The following COL8A1 variants were observed in gnomAD, a reference collection of about 807,000 sequenced individuals.
The protein encoded by COL8A1 is collagen alpha-1(VIII) chain.
Under a neutral mutation model 42.7 loss-of-function variants are expected in COL8A1, and 21 were observed. The observed-to-expected ratio is 0.49, with a 90% CI of 0.35 to 0.71. The LOEUF is 0.71. COL8A1 is among the 30% of genes least tolerant of loss of function. COL8A1 has a pLI of 0.01. For missense variants in COL8A1, 788 were observed against 962.4 expected (o/e 0.82, Z 2.40); for synonymous variants, 367 against 369.1 (o/e 0.99, Z 0.06).
intron 1 of COL8A1, among the ~76,000 whole-genome samples, chr3:99,736,802 T>G (rs1453815838): frequency 6.6e-6 from 1 of 151,242 alleles, no homozygotes; most frequent in Non-Finnish European, 1.5e-5. Context: ...ACTTTCTGTC[T>G]CGTTGATCTG....
chr3:99,685,868 G>A (rs996641879), intron 1 of COL8A1, among the ~76,000 whole-genome samples: 4 of 152,082 alleles, frequency 2.6e-5, no homozygotes, highest in African/African-American at 9.7e-5. Context: ...CCCATGTGAG[G>A]CACATAGCAA....
Position 99,794,192 on chromosome 3 carries a change from TC to T in COL8A1, c.329-32del, listed in dbSNP as rs745858657. ...CAATCTACTAATCAATCTCTCTCTC[TC>T]CCCCCATACCCCTTCTCTCTCTTCT... On this transcript the variant is annotated intron_variant, in intron 3 of 3. Transcript: ENST00000652472. The surrounding 1 kb of genome is among the most constrained non-coding windows in gnomAD (Gnocchi z 4.3). 5 of 1,346,350 alleles carry T rather than the reference TC, an allele frequency of 3.7e-6. No individual in the cohort carries two copies. In the East Asian group the frequency reaches 9.3e-5, roughly 25 times the overall value. 83.4% of individuals were successfully genotyped at this position (1,346,350 alleles called of 1,614,324 possible).
chr3:99,736,626 T>C (rs1940726878), intron 1 of COL8A1, among the ~76,000 whole-genome samples: 2 of 152,122 alleles, frequency 1.3e-5, no homozygotes, highest in African/African-American at 4.8e-5. Context: ...TTCTTTTACA[T>C]TTGCTGAGGA....
intron 1 of COL8A1, among the ~76,000 whole-genome samples, chr3:99,649,814 C>T (rs986209963): frequency 3.3e-5 from 5 of 152,058 alleles, no homozygotes; most frequent in African/African-American, 9.7e-5. Context: ...CATACACATA[C>T]ACAGTGTTAC....
At chr3:99,659,079 C>T (rs1326029234) in intron 1 of COL8A1, among the ~76,000 whole-genome samples, 1 of 152,172 alleles carries the variant, frequency 6.6e-6, no homozygotes, top group Non-Finnish European at 1.5e-5. Flanking sequence ...AGCTAGTTGA[C>T]TAGGAAGAAC....
chr3:99,716,957 A>G (rs990129873), intron 1 of COL8A1, among the ~76,000 whole-genome samples: 1 of 151,932 alleles, frequency 6.6e-6, no homozygotes, highest in East Asian at 1.9e-4. Flanking sequence ...ATTCACTTTG[A>G]ATTTTCCCAG....
At chr3:99,713,543 C>T (rs1939905748) in intron 1 of COL8A1, among the ~76,000 whole-genome samples, 1 of 152,080 alleles carries the variant, frequency 6.6e-6, no homozygotes, top group Non-Finnish European at 1.5e-5. Flanking sequence ...CAAACTCTTA[C>T]AGCAAGGTTA....
intron 3 of COL8A1, among the ~76,000 whole-genome samples, chr3:99,793,589 T>C (rs1414676132): frequency 6.6e-6 from 1 of 152,172 alleles, no homozygotes; most frequent in Non-Finnish European, 1.5e-5. Context: ...AAACACACCA[T>C]AATATCTCCA....
At chr3:99,723,695 A>C (rs573958981) in intron 1 of COL8A1, among the ~76,000 whole-genome samples, 48 of 152,172 alleles carry the variant, frequency 3.2e-4, no homozygotes, top group Non-Finnish European at 6.5e-4. Context: ...AAAAACCTAA[A>C]CCTAAGTAGC....
At chr3:99,784,549 C>T (rs1006808069) in intron 2 of COL8A1, among the ~76,000 whole-genome samples, 16 of 152,194 alleles carry the variant, frequency 1.1e-4, no homozygotes, top group African/African-American at 3.9e-4. Context: ...TCCTAAGCTA[C>T]AAACTTATAC....
chr3:99,746,524 T>TA (rs538575055), intron 2 of COL8A1, among the ~76,000 whole-genome samples: 1 of 151,956 alleles, frequency 6.6e-6, no homozygotes, highest in African/African-American at 2.4e-5. Flanking sequence ...GCTCTCCCAG[T>TA]AAAAAAAGTA....
intron 2 of COL8A1, among the ~76,000 whole-genome samples, chr3:99,773,843 T>A (rs1312670768): frequency 3.4e-4 from 33 of 96,302 alleles, no homozygotes; most frequent in African/African-American, 8.5e-4. Flanking sequence ...ATATATTTTT[T>A]TTTTTTTTTT....
chr3:99,719,623 G>A (rs1237897201), intron 1 of COL8A1, among the ~76,000 whole-genome samples: 1 of 152,142 alleles, frequency 6.6e-6, no homozygotes, highest in Non-Finnish European at 1.5e-5. Context: ...TGGAGGAAAT[G>A]ACATCCAGGC....
At chr3:99,680,384 C>G (rs926268728) in intron 1 of COL8A1, 4 of 152,166 alleles carry the variant, frequency 2.6e-5, no homozygotes, top group Non-Finnish European at 4.4e-5. Flanking sequence ...TTTTCTTAAT[C>G]CAGTCTACCA....
intron 1 of COL8A1, among the ~76,000 whole-genome samples, chr3:99,665,034 C>T (rs1938320515): frequency 6.6e-6 from 1 of 152,216 alleles, no homozygotes; most frequent in Non-Finnish European, 1.5e-5. Flanking sequence ...GTCCACTTGA[C>T]TCCCAAGAAA....
intron 2 of COL8A1, among the ~76,000 whole-genome samples, chr3:99,765,998 T>C (rs1194709388): frequency 6.6e-6 from 1 of 152,178 alleles, no homozygotes; most frequent in South Asian, 2.1e-4. Flanking sequence ...CCAGGAGATA[T>C]TACTTCTTTT....
chr3:99,765,220 G>A (rs1941440320), intron 2 of COL8A1, among the ~76,000 whole-genome samples: 1 of 152,072 alleles, frequency 6.6e-6, no homozygotes, highest in African/African-American at 2.4e-5. Flanking sequence ...ATTCCCCTCT[G>A]TCTTAAAGGA....
At chr3:99,758,396 G>A (rs1941301574) in intron 2 of COL8A1, among the ~76,000 whole-genome samples, 1 of 152,148 alleles carries the variant, frequency 6.6e-6, no homozygotes, top group African/African-American at 2.4e-5. Context: ...AGTTCAGGAT[G>A]TTAATTGTGA....
At chr3:99,663,411 G>A (rs367954271) in intron 1 of COL8A1, among the ~76,000 whole-genome samples, 84 of 152,130 alleles carry the variant, frequency 5.5e-4, no homozygotes, top group African/African-American at 1.6e-3. Context: ...CAAAATTGTC[G>A]TTTCCTGCTC....
Sources: gnomAD v4.1 joint callset for allele counts (sites outside exome capture counted in the v4.1 genomes callset) on GRCh38, gnomAD v4.1.1 for gene constraint, Gnocchi (gnomAD v3.1) non-coding constraint, MANE v1.5 for transcripts, NCBI Gene and HGNC (gene_info 2026-07-23, HGNC 2026-07-21) for gene names.